Variants in RTP2 observed in about 807,000 individuals in gnomAD.
The protein encoded by RTP2 is receptor transporter protein 2.
In RTP2, 12 loss-of-function variants were observed where a neutral mutation model predicts 17.9. The observed-to-expected ratio is 0.67, with a 90% confidence interval of 0.43 to 1.09. The LOEUF is 1.09. Ranked by LOEUF, RTP2 falls within the 50% of genes least tolerant of loss-of-function variation. RTP2 has a pLI of 0.00. For missense variants in RTP2, 327 were observed against 295.7 expected, an observed-to-expected ratio of 1.11 and a Z score of -0.78; for synonymous variants, 126 against 117.7, an observed-to-expected ratio of 1.07 and a Z score of -0.46.
chr3:187,698,466 CA>C lies in RTP2; in HGVS notation c.*31del, dbSNP rs775965962. The C allele has an allele frequency of 2.1e-5, 33 of 1,563,786 alleles. No individual in the cohort carries two copies. The South Asian group carries it at 3.6e-4, about 17-fold the overall frequency. ...ACTGTGTCCTCCCCACTCTCAAGCC[CA>C]TGTGCCCTCTCCCACCCTTAACCAG... On this transcript the variant is annotated 3_prime_UTR_variant, in exon 2 of 2. Coordinates refer to ENST00000358241, the Ensembl canonical transcript of RTP2.
At position 187,701,893 on chromosome 3, in the gene RTP2, T is replaced by C. The variant is rs984811749; in HGVS notation, c.164+72A>G. 55 of 1,404,576 alleles carry C rather than the reference T, an allele frequency of 3.9e-5. No homozygotes were observed. The African/African-American group carries it at 6.9e-4, about 18-fold the overall frequency. The allele number at this position is 1,404,576 out of a possible 1,614,324, so 87.0% of individuals were successfully genotyped here. On this transcript the variant is annotated intron_variant, in intron 1 of 1. Coordinates refer to ENST00000358241, the Ensembl canonical transcript of RTP2. Reference sequence around the variant, plus strand: ...AATAAGCCCGCGACTGGGCTCTGTCTCTCCTTGGAAAGTACCCCACAGCTG... The same window carrying C: ...AATAAGCCCGCGACTGGGCTCTGTCCCTCCTTGGAAAGTACCCCACAGCTG...
the RTP2 span, among the ~76,000 whole-genome samples, chr3:187,710,376 CATAT>C: frequency 0.49 from 70,620 of 142,808 alleles, 19,042 homozygotes; most frequent in East Asian, 0.74. Flanking sequence ...CCTAAATATC[CATAT>C]ATATATATAT....
chr3:187,700,700 C>T (rs113312055), intron 1 of RTP2, among the ~76,000 whole-genome samples: 2 of 152,174 alleles, frequency 1.3e-5, no homozygotes, highest in African/African-American at 4.8e-5. Flanking sequence ...TGGGGGCAGG[C>T]GAGCTTAAGA....
In RTP2 at chr3:187,699,015, C is replaced by A. The variant is rs1560135767; in HGVS notation, c.165-4G>T. On this transcript the variant is annotated splice_region_variant and splice_polypyrimidine_tract_variant and intron_variant, in intron 1 of 1. Transcript: ENST00000358241. ...CCAGCACCAGGAGCAGTGGAACCTGCCGGGAGGAGAAGGAGGGGTGGAGAA... is the reference window on the plus strand; with the variant it reads ...CCAGCACCAGGAGCAGTGGAACCTGACGGGAGGAGAAGGAGGGGTGGAGAA... 1 of 1,572,804 alleles carries A rather than the reference C, an allele frequency of 6.4e-7. No individual in the cohort carries two copies. The highest frequency in any genetic ancestry group is 2.3e-5 in the East Asian group (1 of 44,118).
intron 1 of RTP2, 21 bp downstream of exon 1, chr3:187,701,944 C>T (rs1184283473): frequency 8.3e-6 from 13 of 1,559,056 alleles, no homozygotes; most frequent in East Asian, 4.6e-5. Context: ...CTGCAAGGTC[C>T]CTCCCCACTG....
At chr3:187,709,082 C>T in the RTP2 span, among the ~76,000 whole-genome samples, 148,816 of 152,162 alleles carry the variant, frequency 0.98, 72,858 homozygotes, top group Middle Eastern at 1. Flanking sequence ...TAAATGAAAG[C>T]TCCATATCCT....
exon 2 of RTP2, chr3:187,698,463 G>A (rs761701532): frequency 1.3e-6 from 2 of 1,549,686 alleles, no homozygotes; most frequent in Admixed American, 3.7e-5. Flanking sequence ...CCACTCTCAA[G>A]CCCATGTGCC....
chr3:187,702,669 G>A, upstream of RTP2: 1 of 441,556 alleles, frequency 2.3e-6, no homozygotes, highest in South Asian at 1.6e-5. Flanking sequence ...CTTGACCTGT[G>A]TGCTGGCCAA....
chr3:187,700,547 A>G (rs545609895), intron 1 of RTP2, among the ~76,000 whole-genome samples: 2 of 152,332 alleles, frequency 1.3e-5, no homozygotes, highest in African/African-American at 4.8e-5. Context: ...TCAAGTTTCC[A>G]GGCATCTGCA....
the RTP2 span, among the ~76,000 whole-genome samples, chr3:187,710,932 A>T: frequency 6.6e-6 from 1 of 152,224 alleles, no homozygotes; most frequent in Non-Finnish European, 1.5e-5. Flanking sequence ...TACCCTGAGC[A>T]TCAATTTTCT....
the RTP2 span, among the ~76,000 whole-genome samples, chr3:187,709,658 C>T: frequency 6.8e-4 from 103 of 152,180 alleles, no homozygotes; most frequent in African/African-American, 2.5e-3. Flanking sequence ...GCACTCCAGC[C>T]TGGGTGACAG....
chr3:187,701,646 T>G (rs1717850080), intron 1 of RTP2, among the ~76,000 whole-genome samples: 1 of 152,232 alleles, frequency 6.6e-6, no homozygotes, highest in Admixed American at 6.5e-5. Flanking sequence ...ATGGACCTCA[T>G]GGCCTCCTTC....
At chr3:187,710,455 T>A in the RTP2 span, among the ~76,000 whole-genome samples, 12 of 150,134 alleles carry the variant, frequency 8.0e-5, no homozygotes, top group South Asian at 1.3e-3. Context: ...TAAATATCTA[T>A]CTTATTGGTT....
intron 1 of RTP2, 75 bp from the exon 2 acceptor site, chr3:187,699,086 A>C: frequency 1.4e-6 from 2 of 1,469,238 alleles, no homozygotes; most frequent in Non-Finnish European, 1.8e-6. Flanking sequence ...CTGAGAGGGA[A>C]AAAAAAGCCT....
the RTP2 span, among the ~76,000 whole-genome samples, chr3:187,711,408 T>C: frequency 2.0e-5 from 3 of 152,214 alleles, no homozygotes; most frequent in Non-Finnish European, 2.9e-5. Context: ...AGAAGTAAAC[T>C]CTCAGCTTTC....
the RTP2 span, among the ~76,000 whole-genome samples, chr3:187,709,072 T>C: frequency 6.6e-6 from 1 of 152,114 alleles, no homozygotes; most frequent in Non-Finnish European, 1.5e-5. Flanking sequence ...TATTAACTAT[T>C]AAATGAAAGC....
chr3:187,705,296 T>G (rs1320097557), upstream of RTP2, among the ~76,000 whole-genome samples: 1 of 152,172 alleles, frequency 6.6e-6, no homozygotes, highest in East Asian at 1.9e-4. Context: ...GTTCCTTAGC[T>G]ATACTCAGAG....
chr3:187,702,349 G>C, exon 1 of RTP2: 9 of 576,886 alleles, frequency 1.6e-5, no homozygotes, highest in Non-Finnish European at 2.8e-5. Context: ...AAGCCCCAAG[G>C]GGGAGTTTCA....
At chr3:187,704,002 T>C (rs1454067865), upstream of RTP2, among the ~76,000 whole-genome samples, 1 of 152,168 alleles carries the variant, frequency 6.6e-6, no homozygotes, top group Non-Finnish European at 1.5e-5. Flanking sequence ...AATTACTACT[T>C]CAATTTTCCG....
Sources: gnomAD v4.1 joint callset for allele counts (sites outside exome capture counted in the v4.1 genomes callset) on GRCh38, gnomAD v4.1.1 for gene constraint, MANE v1.5 for transcripts, NCBI Gene and HGNC (gene_info 2026-07-23, HGNC 2026-07-21) for gene names.